ADGRA2: variants seen among roughly 807,000 people sequenced by gnomAD.
ADGRA2 encodes G-protein coupled receptor 124.
ADGRA2 carries 61 observed loss-of-function variants against 98.7 expected under a neutral mutation model. The observed-to-expected ratio is 0.62, with a 90% CI of 0.50 to 0.76. The LOEUF (loss-of-function observed/expected upper bound fraction) is 0.76, where lower values mean the gene tolerates loss of function less well. ADGRA2 is among the 30% of genes least tolerant of loss of function. The pLI, the probability that ADGRA2 is intolerant of heterozygous loss-of-function variation, is 0.00. For missense variants in ADGRA2, 1,712 were observed against 1,860.0 expected (o/e 0.92, Z 1.46); for synonymous variants, 858 against 831.5 (o/e 1.03, Z -0.55).
chr8:37,839,634 A>C lies in ADGRA2; in HGVS notation c.2511+12A>C. On this transcript the variant is annotated intron_variant, in intron 16 of 18. Coordinates refer to ENST00000412232, the MANE Select transcript of ADGRA2 (RefSeq NM_032777.10). The stretch of plus-strand genomic sequence containing the variant: ...TGGTCTGCCAGGCGGTAAGCAGGAG[A>C]AGGGGCTCTGGGGGTGGTGCTCCGA... 6.2e-7 allele frequency: 1 copy of C among 1,613,292 alleles called. No homozygotes were observed.
At chr8:37,829,810 T>C in intron 5 of ADGRA2, 41 bp from the exon 6 acceptor site, 1 of 1,579,752 alleles carries the variant, frequency 6.3e-7, no homozygotes, top group Non-Finnish European at 8.6e-7. Flanking sequence ...GAGCCCACAC[T>C]CCCTCTGCTC....
Position 37,844,345 on chromosome 8 carries a change from G to C in ADGRA2, c.*1990G>C, listed in dbSNP as rs1414123469. On this transcript the variant is annotated 3_prime_UTR_variant, in exon 19 of 19. Transcript: ENST00000412232. Reference sequence around the variant, plus strand: ...ACTCCTGACTTTACTCCAGGACCCAGGGTCCAACTAATGGCAGAGCCCCTC... The same window carrying C: ...ACTCCTGACTTTACTCCAGGACCCACGGTCCAACTAATGGCAGAGCCCCTC... 3.0e-5 allele frequency: 31 copies of C among 1,041,098 alleles called. No homozygotes were observed. Among genetic ancestry groups the C allele is most frequent in the Non-Finnish European group, 4.4e-5 (31 of 710,930 alleles). 64.5% of individuals were successfully genotyped at this position (1,041,098 alleles called of 1,614,324 possible). A position where few individuals can be genotyped will look rare whatever the true frequency, so the allele number is the denominator to read the frequency against.
At chr8:37,819,455 C>A (rs1169143954) in intron 2 of ADGRA2, among the ~76,000 whole-genome samples, 1 of 152,198 alleles carries the variant, frequency 6.6e-6, no homozygotes, top group African/African-American at 2.4e-5. Flanking sequence ...GCAACCTCTG[C>A]CTCCTGGGTT....
rs747032594 is a variant in ADGRA2, at chr8:37,833,993, C to T, written c.1473C>T (p.Ala491=). The change falls in exon 11 of 19, where the codon GCC becomes GCT. Residue 491 remains alanine (A), a synonymous_variant. Transcript: ENST00000412232. ...KELVEVMVDM[A]SNLMLVDEHL... ...TGGTAGAGGTGATGGTGGACATGGC[C>T]AGCAACCTGATGCTGGTGGACGAGC... 6.2e-7 allele frequency: 1 copy of T among 1,613,066 alleles called. No individual in the cohort carries two copies. The highest frequency in any genetic ancestry group is 8.5e-7 in the Non-Finnish European group (1 of 1,179,832).
chr8:37,811,170 T>TG (rs1490714302), intron 1 of ADGRA2, among the ~76,000 whole-genome samples: 201 of 89,460 alleles, frequency 2.2e-3, no homozygotes, highest in African/African-American at 5.8e-3. Flanking sequence ...GTGTGTGTGT[T>TG]TTTTTTTTTT....
Position 37,841,082 on chromosome 8 carries a change from A to G in ADGRA2, c.2748-4A>G, listed in dbSNP as rs2130063068. 3.8e-6 allele frequency: 6 copies of G among 1,587,184 alleles called. No individual in the cohort carries two copies. The highest frequency in any genetic ancestry group is 5.1e-6 in the Non-Finnish European group (6 of 1,167,184). Reference sequence around the variant, plus strand: ...CCTCATCACTGCTTCTGTGTCTCCTACAGCTGCTGGCTGGTGTGGCGTCCA... The same window carrying G: ...CCTCATCACTGCTTCTGTGTCTCCTGCAGCTGCTGGCTGGTGTGGCGTCCA... On this transcript the variant is annotated splice_polypyrimidine_tract_variant and splice_region_variant and intron_variant, in intron 18 of 18. Transcript: ENST00000412232. This position sits in a 1 kb window ranked among gnomAD's most constrained non-coding sequence, Gnocchi z 5.0.
chr8:37,817,726 A>G (rs545043542), intron 2 of ADGRA2, among the ~76,000 whole-genome samples: 1 of 148,012 alleles, frequency 6.8e-6, no homozygotes, highest in East Asian at 2.1e-4. Flanking sequence ...ATAAATAAAT[A>G]AATAAATAGG....
chr8:37,812,325 G>A (rs1804857872), intron 1 of ADGRA2, among the ~76,000 whole-genome samples: 1 of 152,056 alleles, frequency 6.6e-6, no homozygotes, highest in South Asian at 2.1e-4. Context: ...GAGATCTCAG[G>A]TTTTAATATT....
chr8:37,841,820 C>A lies in ADGRA2; in HGVS notation c.3482C>A (p.Pro1161Gln). The change falls in exon 19 of 19, where the codon CCG becomes CAG. Residue 1161 changes from proline to glutamine, a missense_variant. Pro to Gln is a moderately conservative substitution (Grantham distance 76). Transcript: ENST00000412232. The surrounding 1 kb of genome is among the most constrained non-coding windows in gnomAD (Gnocchi z 5.0). ...AAAGGEGEPE[P>Q]AGTRGNLAHR... ...GCCGGCGGGGAAGGAGAGCCGGAGC[C>A]GGCGGGCACCCGGGGAAACCTCGCC... is the stretch of plus-strand genomic sequence containing the variant. 2.0e-6 allele frequency: 3 copies of A among 1,530,234 alleles called. No homozygotes were observed. The highest frequency in any genetic ancestry group is 2.6e-6 in the Non-Finnish European group (3 of 1,144,012). The allele number at this position is 1,530,234 out of a possible 1,614,324, so 94.8% of individuals were successfully genotyped here.
Position 37,835,376 on chromosome 8 carries a change from C to A in ADGRA2, c.1811C>A (p.Ser604Tyr). Residue 604 changes from serine to tyrosine, a missense_variant, in exon 12 of 19, where the codon TCT (serine) becomes TAT (tyrosine). Coordinates refer to ENST00000412232, the MANE Select transcript of ADGRA2 (RefSeq NM_032777.10). ...TGCACCACCGGGAGGCCCAATGTTT[C>A]TCTGTCGTCCTTCCACATCAAGGTG... The part of the protein sequence containing the change: ...FRCTTGRPNV[S>Y]LSSFHIKNSV... 1 of 1,611,370 alleles carries A rather than the reference C, an allele frequency of 6.2e-7. No homozygotes were observed. Among genetic ancestry groups the A allele is most frequent in the Non-Finnish European group, 8.5e-7 (1 of 1,179,744 alleles).
rs376711257 is a variant in ADGRA2, at chr8:37,844,396, A to G, written c.*2041A>G. ...TTGGTTCCTTCAAACAAGAAAAGCA[A>G]TACCTACGGACTGGTGTACACTTCC... On this transcript the variant is annotated 3_prime_UTR_variant, in exon 19 of 19. Coordinates refer to ENST00000412232, the MANE Select transcript of ADGRA2 (RefSeq NM_032777.10). The G allele has an allele frequency of 3.3e-5, 50 of 1,503,250 alleles. No homozygotes were observed. In the African/African-American group the frequency reaches 3.8e-4, roughly 11 times the overall value. The allele number at this position is 1,503,250 out of a possible 1,614,324, so 93.1% of individuals were successfully genotyped here. A position where few individuals can be genotyped will look rare whatever the true frequency, so the allele number is the denominator to read the frequency against.
rs1563355381 is a variant in ADGRA2 at position 37,841,676 on chromosome 8, G to GGCC, written c.3338_3339insGCC (p.Pro1115dup). 1.3e-6 allele frequency: 2 copies of GGCC among 1,530,636 alleles called. No homozygotes were observed. Among genetic ancestry groups the GGCC allele is most frequent in the Admixed American group, 4.2e-5 (2 of 47,936 alleles). 94.8% of individuals were successfully genotyped at this position (1,530,636 alleles called of 1,614,324 possible). On this transcript the variant is annotated inframe_insertion, in exon 19 of 19. Coordinates refer to ENST00000412232, the MANE Select transcript of ADGRA2 (RefSeq NM_032777.10). The surrounding 1 kb of genome is among the most constrained non-coding windows in gnomAD (Gnocchi z 5.0). The stretch of plus-strand genomic sequence containing the variant: ...GACGGTTCCCCGGTGTTCGGGGAGG[G>GGCC]CCCCCCCTCCCTCAAGTCCTCCCCA...
chr8:37,801,299 C>A (rs971863517), intron 1 of ADGRA2, among the ~76,000 whole-genome samples: 1 of 152,222 alleles, frequency 6.6e-6, no homozygotes, highest in South Asian at 2.1e-4. Flanking sequence ...CCACCCCACC[C>A]CCCAGGCTCC....
chr8:37,815,433 A>G (rs886243391), intron 2 of ADGRA2, among the ~76,000 whole-genome samples: 25 of 151,632 alleles, frequency 1.6e-4, no homozygotes, highest in African/African-American at 5.6e-4. Flanking sequence ...CCTCTCCCCC[A>G]CTCCAGCCCA....
intron 2 of ADGRA2, among the ~76,000 whole-genome samples, chr8:37,828,281 C>A (rs926538862): frequency 1.3e-5 from 2 of 152,266 alleles, no homozygotes; most frequent in East Asian, 3.9e-4. Context: ...CCCAGGGCAA[C>A]CCCAGCGACC....
At position 37,830,911 on chromosome 8, in the gene ADGRA2, C is replaced by G. The variant is rs944163982; in HGVS notation, c.920C>G (p.Thr307Ser). ...GCCGAGAGCCTCATCCACGACTGCACCTTCATCACCAGGTATGAGCCCCGC... is the reference window on the plus strand; with the variant it reads ...GCCGAGAGCCTCATCCACGACTGCAGCTTCATCACCAGGTATGAGCCCCGC... Reference protein sequence around the residue: ...LLAESLIHDCTFITSELTLSH... With the variant: ...LLAESLIHDCSFITSELTLSH... The change falls in exon 7 of 19, where the codon ACC becomes AGC. Residue 307 changes from threonine (T) to serine (S), a missense_variant. Physicochemically the swap from Thr to Ser is moderately conservative, Grantham distance 58. Coordinates refer to ENST00000412232, the MANE Select transcript of ADGRA2 (RefSeq NM_032777.10). This position sits in a 1 kb window ranked among gnomAD's most constrained non-coding sequence, Gnocchi z 4.8. 7.6e-6 allele frequency: 12 copies of G among 1,576,126 alleles called. No homozygotes were observed. The highest frequency in any genetic ancestry group is 4.0e-5 in the African/African-American group (3 of 74,304).
At chr8:37,810,162 CAT>C (rs1804783911) in intron 1 of ADGRA2, among the ~76,000 whole-genome samples, 1 of 151,420 alleles carries the variant, frequency 6.6e-6, no homozygotes. Flanking sequence ...TGAGTTAGAT[CAT>C]ATATATATAA....
chr8:37,841,465 C>T lies in ADGRA2; in HGVS notation c.3127C>T (p.Arg1043Cys), dbSNP rs139962707. 61 of 1,612,882 alleles carry T rather than the reference C, an allele frequency of 3.8e-5. No individual in the cohort carries two copies. In the African/African-American group the frequency reaches 4.8e-4, roughly 13 times the overall value. Residue 1043 changes from arginine (R) to cysteine (C), a missense_variant, in exon 19 of 19, where the codon CGC becomes TGC. Transcript: ENST00000412232. This position sits in a 1 kb window ranked among gnomAD's most constrained non-coding sequence, Gnocchi z 5.0. The part of the protein sequence containing the change: ...WACGALAVSQ[R>C]WLPRVVCSCL... ...CTGCGGGGCTCTGGCAGTGTCCCAG[C>T]GCTGGCTGCCCCGGGTGGTGTGCAG...
In ADGRA2 at chr8:37,796,905, G is replaced by C. The variant is rs1804337873; in HGVS notation, c.-364G>C. ...TCCATCCATGGCACGGAGCGGCGGC[G>C]GCGGCGGCAGCAGGAGCCCGGCGCG... On this transcript the variant is annotated 5_prime_UTR_variant, in exon 1 of 19. Coordinates refer to ENST00000412232, the MANE Select transcript of ADGRA2 (RefSeq NM_032777.10). 6.5e-6 allele frequency: 1 copy of C among 153,460 alleles called. No homozygotes were observed. The allele number at this position is 153,460 out of a possible 1,614,324, so 9.5% of individuals were successfully genotyped here.
Sources: gnomAD v4.1 joint callset for allele counts (sites outside exome capture counted in the v4.1 genomes callset) on GRCh38, gnomAD v4.1.1 for gene constraint, Gnocchi (gnomAD v3.1) non-coding constraint, MANE v1.5 for transcripts, NCBI Gene and HGNC (gene_info 2026-07-23, HGNC 2026-07-21) for gene names.